The following PUDP variants were observed in gnomAD, a reference collection of about 807,000 sequenced individuals.
PUDP encodes the protein pseudouridine 5'-phosphatase.
Under a neutral mutation model 9.4 loss-of-function variants are expected in PUDP, and 8 were observed. That is an observed-to-expected ratio of 0.85 (90% CI 0.50 to 1.53). The LOEUF is 1.53. PUDP is among the 40% of genes most tolerant of loss of function. The pLI is 0.00. For synonymous variants in PUDP, 99 were observed against 80.7 expected, an observed-to-expected ratio of 1.23 and a Z score of -1.22; for missense variants, 188 against 189.7, an observed-to-expected ratio of 0.99 and a Z score of 0.05.
chrX:6,771,710 T>C (rs993286279), intron 3 of PUDP, among the ~76,000 whole-genome samples: 1 of 112,458 alleles, frequency 8.9e-6, no homozygotes, highest in African/African-American at 3.2e-5. Flanking sequence ...TGTACATAAA[T>C]GACTTAATAC....
intron 2 of PUDP, among the ~76,000 whole-genome samples, chrX:7,080,595 GA>G (rs2146870431): frequency 8.9e-6 from 1 of 111,985 alleles, no homozygotes; most frequent in East Asian, 2.8e-4. Context: ...TCCACCTAAA[GA>G]GCTTCTACAG....
intron 3 of PUDP, among the ~76,000 whole-genome samples, chrX:6,747,848 G>A (rs753813254): frequency 3.6e-5 from 4 of 111,970 alleles, no homozygotes; most frequent in South Asian, 3.7e-4. Flanking sequence ...ATCTTCATGC[G>A]TCTTTATTTT....
At chrX:6,797,537 T>C (rs185813896) in intron 3 of PUDP, among the ~76,000 whole-genome samples, 35 of 111,577 alleles carry the variant, frequency 3.1e-4, no homozygotes, top group African/African-American at 1.0e-3. Flanking sequence ...AGCAGCTCTA[T>C]GGAGAAGGCT....
chrX:7,007,070 C>T (rs1344784942), intron 1 of PUDP, among the ~76,000 whole-genome samples: 2 of 111,252 alleles, frequency 1.8e-5, no homozygotes, highest in Non-Finnish European at 3.8e-5. Context: ...AGACAATGAG[C>T]ATTGCCAGGG....
intron 1 of PUDP, among the ~76,000 whole-genome samples, chrX:6,712,464 T>A (rs1924544861): frequency 8.9e-6 from 1 of 112,192 alleles, no homozygotes; most frequent in South Asian, 3.7e-4. Flanking sequence ...AGCCAAATTC[T>A]AGTGGGAATT....
At chrX:6,915,511 C>A (rs992090766) in intron 3 of PUDP, among the ~76,000 whole-genome samples, 5 of 111,325 alleles carry the variant, frequency 4.5e-5, no homozygotes, top group African/African-American at 1.6e-4. Context: ...GAAAGGAAGG[C>A]AAAAAGAAAG....
Position 7,049,404 on chromosome X carries a change from C to CTAT in PUDP, c.*889_*891dup, listed in dbSNP as rs1304119871. The stretch of plus-strand genomic sequence containing the variant: ...CAAGCATACATTCTGAAATCAAATT[C>CTAT]TATTTCTATCCAAAAAGTGCAGCCC... On this transcript the variant is annotated 3_prime_UTR_variant, in exon 4 of 4. Transcript: ENST00000381077. The CTAT allele has an allele frequency of 3.5e-5, 4 of 112,744 alleles. No individual in the cohort carries two copies. The Admixed American group carries it at 3.8e-4, about 11-fold the overall frequency. 9.3% of individuals were successfully genotyped at this position (112,744 alleles called of 1,213,427 possible).
At chrX:6,885,358 G>T (rs910353108) in intron 3 of PUDP, among the ~76,000 whole-genome samples, 4 of 111,790 alleles carry the variant, frequency 3.6e-5, no homozygotes, top group African/African-American at 9.7e-5. Flanking sequence ...TAAAACTTTC[G>T]CCTCTGGTGG....
At chrX:6,905,807 G>A in intron 3 of PUDP, among the ~76,000 whole-genome samples, 1 of 111,477 alleles carries the variant, frequency 9.0e-6, no homozygotes. Flanking sequence ...TTCCATGAGG[G>A]AATCACATAT....
intron 3 of PUDP, among the ~76,000 whole-genome samples, chrX:6,943,134 A>G (rs1435489314): frequency 4.5e-5 from 5 of 111,779 alleles, no homozygotes; most frequent in Admixed American, 2.9e-4. Context: ...CCTCAGAACT[A>G]TGATGTACAA....
At chrX:6,956,363 A>G (rs913880071) in intron 3 of PUDP, among the ~76,000 whole-genome samples, 1 of 109,737 alleles carries the variant, frequency 9.1e-6, no homozygotes, top group Non-Finnish European at 1.9e-5. Flanking sequence ...CAGTGGGGGC[A>G]AACATTGCTC....
At chrX:6,906,798 A>G (rs751065240) in intron 3 of PUDP, among the ~76,000 whole-genome samples, 12 of 111,927 alleles carry the variant, frequency 1.1e-4, no homozygotes, top group Middle Eastern at 9.2e-3. Flanking sequence ...TGGGAACATC[A>G]GACTGTAGCT....
At chrX:6,945,968 A>G (rs1374257684) in intron 3 of PUDP, among the ~76,000 whole-genome samples, 1 of 111,065 alleles carries the variant, frequency 9.0e-6, no homozygotes, top group Non-Finnish European at 1.9e-5. Flanking sequence ...GCTAACCACC[A>G]TTAGACTTGC....
intron 3 of PUDP, among the ~76,000 whole-genome samples, chrX:6,731,646 G>A (rs911994654): frequency 9.1e-6 from 1 of 109,562 alleles, no homozygotes; most frequent in Admixed American, 1.0e-4. Flanking sequence ...GTACAAACAG[G>A]TTCATATAAT....
chrX:6,856,267 C>T (rs1476006307), intron 3 of PUDP, among the ~76,000 whole-genome samples: 1 of 111,522 alleles, frequency 9.0e-6, no homozygotes, highest in African/African-American at 3.3e-5. Context: ...CATCCAAAGA[C>T]AAAAACTCCT....
At chrX:7,018,960 TTAAGA>T (rs1444470921) in intron 1 of PUDP, among the ~76,000 whole-genome samples, 2 of 112,572 alleles carry the variant, frequency 1.8e-5, no homozygotes, top group South Asian at 3.7e-4. Flanking sequence ...TAATTTTGCT[TTAAGA>T]TAATAATGTT....
intron 3 of PUDP, among the ~76,000 whole-genome samples, chrX:7,076,851 A>G (rs1930921124): frequency 1.8e-5 from 2 of 112,285 alleles, no homozygotes; most frequent in Admixed American, 9.4e-5. Context: ...AACTGCAGTG[A>G]ATACTCACCT....
intron 1 of PUDP, among the ~76,000 whole-genome samples, chrX:6,983,727 A>G (rs1213497975): frequency 8.9e-6 from 1 of 112,248 alleles, no homozygotes; most frequent in Non-Finnish European, 1.9e-5. Flanking sequence ...ATGAGGTAAG[A>G]AAATAGAATC....
chrX:6,728,018 G>T (rs755974981), intron 3 of PUDP, among the ~76,000 whole-genome samples: 21 of 111,572 alleles, frequency 1.9e-4, no homozygotes, highest in African/African-American at 5.9e-4. Flanking sequence ...TGAGACTGGG[G>T]AATTTATAAA....
Sources: gnomAD v4.1 joint callset for allele counts (sites outside exome capture counted in the v4.1 genomes callset) on GRCh38, gnomAD v4.1.1 for gene constraint, MANE v1.5 for transcripts, NCBI Gene and HGNC (gene_info 2026-07-23, HGNC 2026-07-21) for gene names.